SMN2: variants seen among roughly 807,000 people sequenced by gnomAD.
SMN2 encodes survival of motor neuron 2, centromeric.
SMN2 carries 1 observed loss-of-function variant against 2.8 expected under a neutral mutation model. That is an observed-to-expected ratio of 0.35 (90% confidence interval 0.13 to 1.68). SMN2 has a LOEUF of 1.68. Among genes scored for constraint, SMN2 ranks in the 40% most tolerant of loss-of-function variants. The pLI, the probability that SMN2 is intolerant of heterozygous loss-of-function variation, is 0.35. For missense variants in SMN2, 12 were observed against 16.9 expected, an observed-to-expected ratio of 0.71 and a Z score of 0.51; for synonymous variants, 5 against 5.0, an observed-to-expected ratio of 0.99 and a Z score of 0.01.
Position 70,076,545 on chromosome 5 carries a change from G to C in SMN2, c.859G>C (p.Gly287Arg), listed in dbSNP as rs121909192. ...YMGFRQNQKE[G>R]RCSHSLN ...GGGTTTTAGACAAAATCAAAAAGAAGGAAGGTGCTCACATTCCTTAAATTA... is the reference window on the plus strand; with the variant it reads ...GGGTTTTAGACAAAATCAAAAAGAACGAAGGTGCTCACATTCCTTAAATTA... Residue 287 changes from glycine to arginine, a missense_variant, in exon 8 of 9, where the codon GGA becomes CGA. Transcript: ENST00000380743. 3.1e-3 allele frequency: 4,583 copies of C among 1,464,442 alleles called. 942 individuals carry two copies. Among genetic ancestry groups the C allele is most frequent in the Middle Eastern group, 0.015 (86 of 5,662 alleles). The allele number at this position is 1,464,442 out of a possible 1,614,324, so 90.7% of individuals were successfully genotyped here.
downstream of SMN2, among the ~76,000 whole-genome samples, chr5:70,079,042 C>T (rs1473322798): frequency 2.8e-5 from 1 of 35,506 alleles, no homozygotes; most frequent in Non-Finnish European, 5.2e-5. Flanking sequence ...TGAGCCACTA[C>T]GCCTGACCCA....
chr5:70,079,530 C>T (rs1368821601), downstream of SMN2, among the ~76,000 whole-genome samples: 8 of 144,186 alleles, frequency 5.5e-5, no homozygotes, highest in Non-Finnish European at 1.0e-4. Flanking sequence ...ACGAGACAGG[C>T]GGATCACTTG....
chr5:70,088,424 C>CTTTTT, the SMN2 span, among the ~76,000 whole-genome samples: 10 of 36,662 alleles, frequency 2.7e-4, no homozygotes, highest in Middle Eastern at 0.019. Context: ...AAGTTTCAAA[C>CTTTTT]TTTTTTTTTT....
At position 70,074,992 on chromosome 5, in the gene SMN2, C is replaced by CA. The variant is rs567730801; in HGVS notation, c.835-1519dup. ...GGGCAACAAGAGCGAAACTCCGTCT[C>CA]AAAAAAAAAAGGAAGAAAAATATTT... On this transcript the variant is annotated intron_variant, in intron 7 of 8. Coordinates refer to ENST00000380743, the MANE Select transcript of SMN2 (RefSeq NM_017411.4). 1.9e-4 allele frequency among the ~76,000 whole-genome samples: 21 copies of CA among 113,388 alleles called. 2 individuals carry two copies. Among genetic ancestry groups the CA allele is most frequent in the East Asian group, 7.3e-4 (3 of 4,102 alleles). The allele number at this position is 113,388 out of a possible 152,430, so 74.4% of individuals were successfully genotyped here.
At chr5:70,083,746 G>C in the SMN2 span, among the ~76,000 whole-genome samples, 16 of 128,222 alleles carry the variant, frequency 1.2e-4, 1 homozygote, top group Middle Eastern at 3.6e-3. Flanking sequence ...GGTGGGAATT[G>C]AACAATGAGA....
chr5:70,076,725 A>C (rs1219698824), intron 8 of SMN2, 151 bp downstream of exon 8: 1 of 1,227,048 alleles, frequency 8.1e-7, no homozygotes, highest in East Asian at 2.7e-5. Context: ...TTTTGATGCC[A>C]AAACTATTAG....
chr5:70,076,632 G>A, intron 8 of SMN2, 58 bp downstream of exon 8: 1 of 1,419,070 alleles, frequency 7.0e-7, no homozygotes, highest in Non-Finnish European at 9.6e-7. Context: ...TATGGTTTGT[G>A]GAAAACAAAT....
Sources: allele counts gnomAD v4.1 joint callset (sites outside exome capture counted in the v4.1 genomes callset), GRCh38; gene constraint gnomAD v4.1.1; transcripts MANE v1.5; gene names NCBI Gene and HGNC (gene_info 2026-07-23, HGNC 2026-07-21).